TBCK: variants seen among roughly 807,000 people sequenced by gnomAD.
TBCK encodes the protein TBC1 domain containing kinase, also known as TBC domain-containing protein kinase-like protein.
TBCK carries 99 observed loss-of-function variants against 113.4 expected under a neutral mutation model. That is an observed-to-expected ratio of 0.87 (90% CI 0.74 to 1.03). TBCK has a LOEUF of 1.03. Among genes scored for constraint, TBCK ranks in the 50% least tolerant of loss-of-function variants. The probability of loss-of-function intolerance (pLI) is 0.00; values close to 1 mark genes in which losing one functional copy is unlikely to be tolerated. For missense variants in TBCK, 1,045 were observed against 1,061.3 expected (o/e 0.98, Z 0.21); for synonymous variants, 369 against 370.8 (o/e 1.00, Z 0.05).
At position 106,251,976 on chromosome 4, in the gene TBCK, C is replaced by G. The variant is rs778007258; in HGVS notation, c.487G>C (p.Ala163Pro). 21 of 1,610,656 alleles carry G rather than the reference C, an allele frequency of 1.3e-5. No homozygotes were observed. Among genetic ancestry groups the G allele is most frequent in the Admixed American group, 6.7e-5 (4 of 59,816 alleles). The change falls in exon 6 of 26, where the codon GCA becomes CCA. Residue 163 changes from alanine to proline, a missense_variant. By Grantham distance (27) the Ala-to-Pro change is conservative. Coordinates refer to ENST00000394708, the MANE Select transcript of TBCK (RefSeq NM_001163435.3). ...TCAGTGGTTTTGAAAATTCCCTGTG[C>G]AATTACCTCAGGGGCCAAGTACGAG... Reference protein sequence around the residue: ...YPSYLAPEVIAQGIFKTTDHM... With the variant: ...YPSYLAPEVIPQGIFKTTDHM...
At chr4:106,220,655 T>A (rs72677355) in intron 19 of TBCK, among the ~76,000 whole-genome samples, 1 of 152,110 alleles carries the variant, frequency 6.6e-6, no homozygotes. Flanking sequence ...CTTGACTTGA[T>A]GTTAATTCTA....
At chr4:106,155,100 C>A (rs948821600) in intron 23 of TBCK, among the ~76,000 whole-genome samples, 1 of 151,376 alleles carries the variant, frequency 6.6e-6, no homozygotes, top group Non-Finnish European at 1.5e-5. Context: ...ATTTCTCATT[C>A]ATGTTTTAAT....
intron 5 of TBCK, among the ~76,000 whole-genome samples, chr4:106,258,084 C>A (rs1762177758): frequency 6.6e-6 from 1 of 151,920 alleles, no homozygotes; most frequent in East Asian, 1.9e-4. Context: ...CCCTTTTAAT[C>A]ACAGGAAAAT....
chr4:106,253,982 C>T (rs1761708634), intron 5 of TBCK, among the ~76,000 whole-genome samples: 1 of 152,210 alleles, frequency 6.6e-6, no homozygotes, highest in African/African-American at 2.4e-5. Context: ...TCTCTCCCTC[C>T]TATCAGGGAT....
chr4:106,303,412 T>C (rs1450698656), intron 2 of TBCK, among the ~76,000 whole-genome samples: 1 of 152,164 alleles, frequency 6.6e-6, no homozygotes, highest in Non-Finnish European at 1.5e-5. Context: ...AGCAAACACA[T>C]GTGTACATAT....
intron 22 of TBCK, among the ~76,000 whole-genome samples, chr4:106,186,639 CAAAT>C (rs1753058872): frequency 6.6e-6 from 1 of 152,078 alleles, no homozygotes; most frequent in Non-Finnish European, 1.5e-5. Flanking sequence ...AGACCTTTGT[CAAAT>C]AAATAGTCTG....
At chr4:106,248,112 T>A (rs1447596660) in intron 9 of TBCK, 133 bp downstream of exon 9, 1 of 469,212 alleles carries the variant, frequency 2.1e-6, no homozygotes, top group Non-Finnish European at 3.7e-6. Flanking sequence ...CATTCACAGT[T>A]ATGATACTGA....
chr4:106,221,564 A>G (rs1029356243), intron 19 of TBCK, among the ~76,000 whole-genome samples: 1 of 152,050 alleles, frequency 6.6e-6, no homozygotes. Context: ...TAATATTCTC[A>G]GTTATTTCAA....
At chr4:106,304,280 A>G (rs900177097) in intron 2 of TBCK, among the ~76,000 whole-genome samples, 9 of 152,170 alleles carry the variant, frequency 5.9e-5, no homozygotes, top group Non-Finnish European at 1.3e-4. Flanking sequence ...GGTGGGGGAC[A>G]AAAAGCTACA....
intron 23 of TBCK, among the ~76,000 whole-genome samples, chr4:106,120,120 G>A (rs1744088979): frequency 6.6e-6 from 1 of 152,160 alleles, no homozygotes; most frequent in South Asian, 2.1e-4. Context: ...CACCGTGCGC[G>A]AGCCGAAGCA....
At position 106,223,260 on chromosome 4, in the gene TBCK, T is replaced by C. The variant is rs139356497; in HGVS notation, c.1774+7103A>G. 2.7e-3 allele frequency among the ~76,000 whole-genome samples: 405 copies of C among 152,226 alleles called. 3 individuals carry two copies. Among genetic ancestry groups the C allele is most frequent in the African/African-American group, 9.5e-3 (396 of 41,552 alleles). Reference sequence around the variant, plus strand: ...TAAATACATAACTTTTGGAGTGAAATTGCATATTCTCTCGCTCTCATTGTT... The same window carrying C: ...TAAATACATAACTTTTGGAGTGAAACTGCATATTCTCTCGCTCTCATTGTT... On this transcript the variant is annotated intron_variant, in intron 19 of 25. Transcript: ENST00000394708.
intron 23 of TBCK, among the ~76,000 whole-genome samples, chr4:106,160,130 A>G (rs996615059): frequency 1.3e-5 from 2 of 152,076 alleles, no homozygotes; most frequent in African/African-American, 4.8e-5. Context: ...TTAAATCAAA[A>G]TAAATCAAAG....
intron 12 of TBCK, among the ~76,000 whole-genome samples, chr4:106,238,905 A>T (rs2150019790): frequency 6.6e-6 from 1 of 152,268 alleles, no homozygotes; most frequent in East Asian, 1.9e-4. Flanking sequence ...AATACGAGAG[A>T]GAAAAACTTC....
intron 23 of TBCK, among the ~76,000 whole-genome samples, chr4:106,130,952 T>A (rs900229928): frequency 6.6e-6 from 1 of 152,092 alleles, no homozygotes; most frequent in Non-Finnish European, 1.5e-5. Context: ...GTTAAAAAGA[T>A]AATAAATATT....
chr4:106,066,892 C>T (rs1736708597), intron 25 of TBCK, among the ~76,000 whole-genome samples: 1 of 151,796 alleles, frequency 6.6e-6, no homozygotes, highest in African/African-American at 2.4e-5. Context: ...ACTGTATATA[C>T]TACCTTTTGT....
intron 2 of TBCK, among the ~76,000 whole-genome samples, chr4:106,303,418 C>T (rs900864011): frequency 1.3e-5 from 2 of 152,056 alleles, no homozygotes; most frequent in Non-Finnish European, 2.9e-5. Context: ...CACATGTGTA[C>T]ATATGTATAT....
At chr4:106,193,955 T>C (rs924276885) in intron 21 of TBCK, among the ~76,000 whole-genome samples, 185 bp from the exon 22 acceptor site, 2 of 152,148 alleles carry the variant, frequency 1.3e-5, no homozygotes, top group African/African-American at 4.8e-5. Flanking sequence ...TCCTAAGGCA[T>C]CTTAAAAAAT....
At chr4:106,068,759 C>G (rs1207675191) in intron 25 of TBCK, among the ~76,000 whole-genome samples, 1 of 152,106 alleles carries the variant, frequency 6.6e-6, no homozygotes, top group Non-Finnish European at 1.5e-5. Flanking sequence ...GTTTACACCC[C>G]CAACAGTGTA....
intron 23 of TBCK, among the ~76,000 whole-genome samples, chr4:106,158,368 C>A (rs958732792): frequency 2.0e-5 from 3 of 152,076 alleles, no homozygotes; most frequent in Non-Finnish European, 4.4e-5. Flanking sequence ...CATGGTAAAA[C>A]CCTGCTTCTA....
Sources: allele counts gnomAD v4.1 joint callset (sites outside exome capture counted in the v4.1 genomes callset), GRCh38; gene constraint gnomAD v4.1.1; transcripts MANE v1.5; gene names NCBI Gene and HGNC (gene_info 2026-07-23, HGNC 2026-07-21).